PHACTR4: variants seen among roughly 807,000 people sequenced by gnomAD.
PHACTR4 encodes protein phosphatase 1, regulatory subunit 124.
Under a neutral mutation model 72.7 loss-of-function variants are expected in PHACTR4, and 51 were observed. The observed-to-expected ratio is 0.70, with a 90% CI of 0.56 to 0.89. The LOEUF (loss-of-function observed/expected upper bound fraction) is 0.89, where lower values mean the gene tolerates loss of function less well. PHACTR4 is among the 40% of genes least tolerant of loss of function. The probability of loss-of-function intolerance (pLI) is 0.00; values close to 1 mark genes in which losing one functional copy is unlikely to be tolerated. For synonymous variants in PHACTR4, 255 were observed against 302.5 expected, an observed-to-expected ratio of 0.84 and a Z score of 1.63; for missense variants, 731 against 861.8, an observed-to-expected ratio of 0.85 and a Z score of 1.90.
intron 1 of PHACTR4, among the ~76,000 whole-genome samples, chr1:28,376,489 C>CT (rs200449212): frequency 6.0e-4 from 86 of 143,502 alleles, no homozygotes; most frequent in East Asian, 2.1e-3. Flanking sequence ...CTAATTTTTT[C>CT]TTTTTTTTTT....
intron 4 of PHACTR4, 73 bp downstream of exon 4, chr1:28,460,365 G>T (rs1246806076): frequency 9.0e-7 from 1 of 1,110,482 alleles, no homozygotes; most frequent in Admixed American, 2.4e-5. Context: ...CGAGATATTT[G>T]AATTTTCTTT....
intron 6 of PHACTR4, among the ~76,000 whole-genome samples, chr1:28,469,965 G>A (rs893486993): frequency 1.3e-5 from 2 of 151,850 alleles, no homozygotes; most frequent in African/African-American, 4.8e-5. Flanking sequence ...GCTGAGGCAG[G>A]AGAGAATCAC....
intron 2 of PHACTR4, among the ~76,000 whole-genome samples, chr1:28,434,226 G>T (rs1656482159): frequency 6.6e-6 from 1 of 152,130 alleles, no homozygotes; most frequent in Admixed American, 6.6e-5. Flanking sequence ...TTTTAGTCCT[G>T]GCTCTGAGCA....
chr1:28,399,290 C>T (rs765193027), intron 1 of PHACTR4, among the ~76,000 whole-genome samples: 17 of 151,466 alleles, frequency 1.1e-4, no homozygotes, highest in Non-Finnish European at 1.8e-4. Flanking sequence ...CCAGCCTGGG[C>T]GACAGAGCAA....
chr1:28,371,848 C>T (rs1392922540), intron 1 of PHACTR4, among the ~76,000 whole-genome samples: 1 of 151,856 alleles, frequency 6.6e-6, no homozygotes. Flanking sequence ...AGTGATCCTC[C>T]CTCCCAAAGT....
intron 9 of PHACTR4, among the ~76,000 whole-genome samples, chr1:28,487,515 A>G (rs1660735763): frequency 8.0e-6 from 1 of 124,812 alleles, no homozygotes; most frequent in African/African-American, 3.5e-5. Context: ...CCTGACACAC[A>G]CACAAAAAAA....
chr1:28,390,274 GC>G (rs1652904316), intron 1 of PHACTR4, among the ~76,000 whole-genome samples: 1 of 152,136 alleles, frequency 6.6e-6, no homozygotes, highest in African/African-American at 2.4e-5. Flanking sequence ...TCCTGCCTCA[GC>G]CTTCTGAGTT....
At chr1:28,392,031 T>G (rs1653087565) in intron 1 of PHACTR4, among the ~76,000 whole-genome samples, 1 of 152,198 alleles carries the variant, frequency 6.6e-6, no homozygotes, top group African/African-American at 2.4e-5. Context: ...TTCCACAGTC[T>G]TCACATACAG....
chr1:28,467,923 G>A (rs548879911), intron 6 of PHACTR4, among the ~76,000 whole-genome samples: 21 of 152,214 alleles, frequency 1.4e-4, no homozygotes, highest in African/African-American at 4.8e-4. Context: ...GTGCTTCAAA[G>A]CTAATAAAAA....
At chr1:28,406,196 C>T (rs911597337) in intron 1 of PHACTR4, among the ~76,000 whole-genome samples, 1 of 152,076 alleles carries the variant, frequency 6.6e-6, no homozygotes, top group African/African-American at 2.4e-5. Flanking sequence ...TTTACATTTC[C>T]AGTACAAACC....
chr1:28,403,099 G>A lies in PHACTR4; in HGVS notation c.-38-4311G>A, dbSNP rs2124261126. Among the ~76,000 whole-genome samples, 2 of 152,318 alleles carry A rather than the reference G, an allele frequency of 1.3e-5. 1 individual carries two copies. The highest frequency in any genetic ancestry group is 4.1e-4 in the South Asian group (2 of 4,830). ...TGTCAGTAAAGTCCTATTCTTAAAG[G>A]AGTACTGTCCTAGGTTGGGTTATCT... On this transcript the variant is annotated intron_variant, in intron 1 of 13. Coordinates refer to ENST00000373839, the MANE Select transcript of PHACTR4 (RefSeq NM_001048183.3).
In PHACTR4 at chr1:28,498,609, G is replaced by T. The variant is rs1437973496; in HGVS notation, c.*2060G>T. On this transcript the variant is annotated 3_prime_UTR_variant, in exon 14 of 14. Coordinates refer to ENST00000373839, the MANE Select transcript of PHACTR4 (RefSeq NM_001048183.3). ...ATTAATAGCTTCTGTTTAATCTGAT[G>T]AATGTGGCTTTTTTTCCCTTCACTT... 6.6e-6 allele frequency: 1 copy of T among 152,166 alleles called. No homozygotes were observed. The highest frequency in any genetic ancestry group is 2.4e-5 in the African/African-American group (1 of 41,438). The allele number at this position is 152,166 out of a possible 1,614,324, so 9.4% of individuals were successfully genotyped here. A position where few individuals can be genotyped will look rare whatever the true frequency, so the allele number is the denominator to read the frequency against.
intron 2 of PHACTR4, among the ~76,000 whole-genome samples, chr1:28,434,950 A>G (rs1429448120): frequency 1.3e-5 from 2 of 152,220 alleles, no homozygotes; most frequent in African/African-American, 2.4e-5. Flanking sequence ...GTCTACATAA[A>G]TTAGATTAGA....
intron 2 of PHACTR4, among the ~76,000 whole-genome samples, chr1:28,445,893 G>GA (rs1473312002): frequency 1.3e-5 from 2 of 151,370 alleles, no homozygotes; most frequent in Non-Finnish European, 2.9e-5. Context: ...GACTGTGTTT[G>GA]AAAAACAAAA....
chr1:28,447,782 T>C (rs1657590285), intron 2 of PHACTR4, among the ~76,000 whole-genome samples: 1 of 152,116 alleles, frequency 6.6e-6, no homozygotes, highest in Admixed American at 6.6e-5. Context: ...CAGACATAAC[T>C]GTACCTGCAA....
At chr1:28,411,280 C>A (rs1187790508) in intron 2 of PHACTR4, among the ~76,000 whole-genome samples, 1 of 152,198 alleles carries the variant, frequency 6.6e-6, no homozygotes, top group Non-Finnish European at 1.5e-5. Flanking sequence ...CTCCTGACCT[C>A]AGATGATCCA....
At chr1:28,463,028 ATCTCT>A (rs1267125717) in intron 4 of PHACTR4, among the ~76,000 whole-genome samples, 27 of 152,134 alleles carry the variant, frequency 1.8e-4, no homozygotes, top group Non-Finnish European at 5.9e-5. Flanking sequence ...GTGAGACCTC[ATCTCT>A]ATAAAAGATT....
intron 2 of PHACTR4, among the ~76,000 whole-genome samples, chr1:28,419,960 T>G (rs763083104): frequency 6.6e-6 from 1 of 152,148 alleles, no homozygotes; most frequent in Non-Finnish European, 1.5e-5. Flanking sequence ...CTTACATACT[T>G]TGATAGGATC....
chr1:28,492,628 T>C (rs917254931), intron 12 of PHACTR4, among the ~76,000 whole-genome samples: 3 of 151,546 alleles, frequency 2.0e-5, no homozygotes, highest in Non-Finnish European at 2.9e-5. Flanking sequence ...GACGTGGTAG[T>C]GCGCACCTGT....
Sources: gnomAD v4.1 joint callset for allele counts (sites outside exome capture counted in the v4.1 genomes callset) on GRCh38, gnomAD v4.1.1 for gene constraint, MANE v1.5 for transcripts, NCBI Gene and HGNC (gene_info 2026-07-23, HGNC 2026-07-21) for gene names.